Variants in RETREG3 observed in about 807,000 individuals in gnomAD.
RETREG3 encodes reticulophagy regulator 3.
A neutral mutation model predicts 50.2 loss-of-function variants in RETREG3; 23 were observed. The ratio of observed to expected loss-of-function variants is 0.46; its 90% CI spans 0.33 to 0.65. The LOEUF (loss-of-function observed/expected upper bound fraction) is 0.65. RETREG3 is among the 30% of genes least tolerant of loss of function. The pLI, the probability that RETREG3 is intolerant of heterozygous loss-of-function variation, is 0.02. For synonymous variants in RETREG3, 240 were observed against 234.4 expected (o/e 1.02, Z -0.22); for missense variants, 546 against 598.0 (o/e 0.91, Z 0.91).
At chr17:42,582,979 T>A (rs928519329) in intron 7 of RETREG3, among the ~76,000 whole-genome samples, 173 bp from the exon 8 acceptor site, 1 of 150,628 alleles carries the variant, frequency 6.6e-6, no homozygotes, top group Non-Finnish European at 1.5e-5. Flanking sequence ...ATTTTTTTTT[T>A]AATCAATACA....
chr17:42,592,950 G>A (rs1567923404), intron 1 of RETREG3, among the ~76,000 whole-genome samples: 1 of 152,088 alleles, frequency 6.6e-6, no homozygotes, highest in Non-Finnish European at 1.5e-5. Flanking sequence ...TCATGCCACT[G>A]CACTCCAGCC....
At chr17:42,599,919 G>A (rs950638638) in intron 1 of RETREG3, among the ~76,000 whole-genome samples, 3 of 151,478 alleles carry the variant, frequency 2.0e-5, no homozygotes, top group Admixed American at 6.6e-5. Context: ...GCTTGAGTCC[G>A]GGAAACTGAG....
chr17:42,606,973 GGCAACA>G, intron 1 of RETREG3, among the ~76,000 whole-genome samples: 1 of 152,284 alleles, frequency 6.6e-6, no homozygotes, highest in Non-Finnish European at 1.5e-5. Flanking sequence ...CTCCAGCCTG[GGCAACA>G]AGAGCCAAAC....
intron 1 of RETREG3, among the ~76,000 whole-genome samples, chr17:42,598,174 G>T (rs962521547): frequency 1.3e-5 from 2 of 150,256 alleles, no homozygotes; most frequent in Non-Finnish European, 3.0e-5. Context: ...GTAGAGACGG[G>T]GTTTTACCAT....
chr17:42,587,888 G>A, intron 2 of RETREG3, 24 bp from the exon 3 acceptor site: 1 of 1,613,730 alleles, frequency 6.2e-7, no homozygotes, highest in African/African-American at 1.3e-5. Flanking sequence ...ACAAACACCA[G>A]CATTAGTTGG....
intron 2 of RETREG3, among the ~76,000 whole-genome samples, chr17:42,588,668 AT>A (rs2093126202): frequency 6.8e-6 from 1 of 146,370 alleles, no homozygotes; most frequent in Admixed American, 6.8e-5. Flanking sequence ...TGTTCTCTTT[AT>A]TTTTTTGAGA....
At position 42,585,201 on chromosome 17, in the gene RETREG3, C is replaced by T; in HGVS notation, c.651G>A (p.Val217=). The change falls in exon 6 of 9, where the codon GTG becomes GTA. Residue 217 remains valine (V), a synonymous_variant. Coordinates refer to ENST00000309428, the MANE Select transcript of RETREG3 (RefSeq NM_178126.4). ...GCCGCTGCAGAGCTGGCTTCAGCCG[C>T]ACATATGCTCGATCCCACAGTCGGT... ...VYHRLWDRAY[V]RLKPALQRLD... is the part of the protein sequence containing the mutation. 1 of 1,614,020 alleles carries T rather than the reference C, an allele frequency of 6.2e-7. No homozygotes were observed. Among genetic ancestry groups the T allele is most frequent in the South Asian group, 1.1e-5 (1 of 91,084 alleles).
chr17:42,587,995 G>C (rs930579241), intron 2 of RETREG3, 131 bp from the exon 3 acceptor site: 15 of 991,692 alleles, frequency 1.5e-5, no homozygotes, highest in Non-Finnish European at 2.1e-5. Flanking sequence ...GATAAAAAAG[G>C]AGACACTGTG....
intron 2 of RETREG3, among the ~76,000 whole-genome samples, chr17:42,591,665 C>T (rs1292994172): frequency 1.3e-5 from 2 of 152,152 alleles, no homozygotes; most frequent in Non-Finnish European, 2.9e-5. Flanking sequence ...TTCTATAAGT[C>T]ACAATTGCCT....
chr17:42,586,418 G>A (rs1178098130), intron 4 of RETREG3: 4 of 429,668 alleles, frequency 9.3e-6, no homozygotes, highest in African/African-American at 6.0e-5. Context: ...AGCAATGTTG[G>A]TGGTGGTTTT....
chr17:42,586,544 G>A (rs2093121588), intron 4 of RETREG3: 1 of 466,868 alleles, frequency 2.1e-6, no homozygotes, highest in East Asian at 3.8e-5. Context: ...GCAAGAAAAC[G>A]GCCTCATCTA....
chr17:42,591,922 TA>T, intron 2 of RETREG3, 133 bp downstream of exon 2: 1 of 736,896 alleles, frequency 1.4e-6, no homozygotes, highest in Non-Finnish European at 2.1e-6. Context: ...AAGTGCCTCC[TA>T]AAGCAAATGA....
intron 1 of RETREG3, among the ~76,000 whole-genome samples, chr17:42,594,392 C>T (rs1019813084): frequency 1.3e-5 from 2 of 152,034 alleles, no homozygotes; most frequent in African/African-American, 2.4e-5. Flanking sequence ...CCTGTCTCTA[C>T]TAAAAGTACA....
intron 2 of RETREG3, among the ~76,000 whole-genome samples, chr17:42,589,094 CCT>C (rs974864991): frequency 2.1e-5 from 3 of 140,750 alleles, no homozygotes; most frequent in African/African-American, 8.0e-5. Flanking sequence ...ACAGTGAGAC[CCT>C]GTCTCTAACC....
intron 5 of RETREG3, 37 bp downstream of exon 5, chr17:42,586,016 G>C: frequency 1.4e-5 from 22 of 1,591,280 alleles, no homozygotes; most frequent in Non-Finnish European, 1.7e-5. Flanking sequence ...GCTATGAGCA[G>C]GGTATACTTT....
chr17:42,608,915 C>A, intron 1 of RETREG3, 171 bp downstream of exon 1: 1 of 645,094 alleles, frequency 1.6e-6, no homozygotes, highest in Non-Finnish European at 2.6e-6. Context: ...CTGGGAAGAA[C>A]TAGGGTGCCG....
intron 5 of RETREG3, among the ~76,000 whole-genome samples, chr17:42,585,570 C>T (rs1047733536): frequency 8.5e-5 from 13 of 152,272 alleles, no homozygotes; most frequent in African/African-American, 2.6e-4. Context: ...ACAAATCATG[C>T]GAGGTTTTGA....
chr17:42,598,727 A>C (rs2093152918), intron 1 of RETREG3: 1 of 152,154 alleles, frequency 6.6e-6, no homozygotes, highest in Non-Finnish European at 1.5e-5. Context: ...CGTGAACACA[A>C]ACACACATGA....
intron 1 of RETREG3, among the ~76,000 whole-genome samples, chr17:42,603,541 T>C (rs539442788): frequency 1.3e-5 from 2 of 152,042 alleles, no homozygotes; most frequent in Non-Finnish European, 2.9e-5. Context: ...CACTCAACCA[T>C]ACAATTAGGG....
Sources: gnomAD v4.1 joint callset for allele counts (sites outside exome capture counted in the v4.1 genomes callset) on GRCh38, gnomAD v4.1.1 for gene constraint, MANE v1.5 for transcripts, NCBI Gene and HGNC (gene_info 2026-07-23, HGNC 2026-07-21) for gene names.